TAF3: variants seen among roughly 807,000 people sequenced by gnomAD.
TAF3 encodes transcription initiation factor TFIID subunit 3.
TAF3 carries 7 observed loss-of-function variants against 80.6 expected under a neutral mutation model. That is an observed-to-expected ratio of 0.09 (90% CI 0.05 to 0.16). The LOEUF is 0.16. TAF3 is among the 10% of genes least tolerant of loss of function. The pLI, the probability that TAF3 is intolerant of heterozygous loss-of-function variation, is 1.00. For synonymous variants in TAF3, 444 were observed against 446.1 expected (o/e 1.00, Z 0.06); for missense variants, 921 against 1,140.2 (o/e 0.81, Z 2.77).
chr10:7,835,459 AC>A, intron 2 of TAF3, among the ~76,000 whole-genome samples: 1 of 152,096 alleles, frequency 6.6e-6, no homozygotes, highest in East Asian at 1.9e-4. Context: ...GTTTTCCTCC[AC>A]CACTTTTACC....
At chr10:7,855,435 G>A (rs1447216314) in intron 2 of TAF3, among the ~76,000 whole-genome samples, 1 of 152,190 alleles carries the variant, frequency 6.6e-6, no homozygotes, top group Non-Finnish European at 1.5e-5. Context: ...TGAATACACC[G>A]GATGCCGAGA....
At chr10:7,822,154 A>G (rs1439635483) in intron 1 of TAF3, among the ~76,000 whole-genome samples, 1 of 152,084 alleles carries the variant, frequency 6.6e-6, no homozygotes, top group African/African-American at 2.4e-5. Flanking sequence ...AGTGATGTGC[A>G]TAAGAGATTG....
intron 2 of TAF3, among the ~76,000 whole-genome samples, chr10:7,936,729 T>G (rs1837924218): frequency 6.6e-6 from 1 of 152,176 alleles, no homozygotes; most frequent in Non-Finnish European, 1.5e-5. Context: ...GCTCTTGGTG[T>G]TGTACATTCC....
intron 2 of TAF3, among the ~76,000 whole-genome samples, chr10:7,901,203 T>C (rs2131171355): frequency 6.6e-6 from 1 of 152,360 alleles, no homozygotes; most frequent in Non-Finnish European, 1.5e-5. Flanking sequence ...AAAACTATAA[T>C]GCATATCCTT....
At position 7,964,489 on chromosome 10, in the gene TAF3, A is replaced by G. The variant is rs1345284252; in HGVS notation, c.979A>G (p.Thr327Ala). The change falls in exon 3 of 7, where the codon ACG (threonine) becomes GCG (alanine). Residue 327 changes from threonine (T) to alanine (A), a missense_variant. Physicochemically the swap from Thr to Ala is moderately conservative, Grantham distance 58. Coordinates refer to ENST00000344293, the MANE Select transcript of TAF3 (RefSeq NM_031923.4). This position sits in a 1 kb window ranked among gnomAD's most constrained non-coding sequence, Gnocchi z 4.1. ...SPKSPKSPKV[T>A]THIPQTPVRP... ...CAAGAGTCCCAAGAGCCCCAAGGTC[A>G]CGACTCACATTCCCCAAACACCTGT... 3.1e-6 allele frequency: 5 copies of G among 1,613,474 alleles called. No homozygotes were observed. The highest frequency in any genetic ancestry group is 4.2e-6 in the Non-Finnish European group (5 of 1,179,792).
At chr10:7,926,432 T>C (rs1564364843) in intron 2 of TAF3, among the ~76,000 whole-genome samples, 1 of 152,194 alleles carries the variant, frequency 6.6e-6, no homozygotes, top group Non-Finnish European at 1.5e-5. Context: ...AGTATCTGAT[T>C]AGGAAAAAGT....
chr10:8,010,168 A>G (rs146260567), intron 5 of TAF3, among the ~76,000 whole-genome samples: 128 of 152,192 alleles, frequency 8.4e-4, no homozygotes, highest in African/African-American at 2.8e-3. Flanking sequence ...CTGCCTCCCA[A>G]CGTGCTGAGA....
chr10:7,840,739 T>C (rs780102460), intron 2 of TAF3, among the ~76,000 whole-genome samples: 3 of 152,218 alleles, frequency 2.0e-5, no homozygotes, highest in Non-Finnish European at 2.9e-5. Context: ...TACTTTGTCT[T>C]GCTTTCTTGA....
intron 2 of TAF3, among the ~76,000 whole-genome samples, chr10:7,937,507 A>G (rs751298885): frequency 6.6e-6 from 1 of 152,166 alleles, no homozygotes; most frequent in Non-Finnish European, 1.5e-5. Flanking sequence ...GTGTCTGTTC[A>G]GGTCTTTTGC....
At chr10:7,834,032 A>G (rs1836826923) in intron 2 of TAF3, 1 of 190,230 alleles carries the variant, frequency 5.3e-6, no homozygotes, top group African/African-American at 2.4e-5. Flanking sequence ...TTCCTTATAT[A>G]TTTTGCCTTT....
At chr10:7,873,661 C>A (rs1837289272) in intron 2 of TAF3, among the ~76,000 whole-genome samples, 2 of 122,674 alleles carry the variant, frequency 1.6e-5, no homozygotes. Flanking sequence ...TGAGGGGAGT[C>A]CCCCACTCCC....
chr10:7,831,397 G>A (rs888942005), intron 2 of TAF3, among the ~76,000 whole-genome samples: 1 of 151,984 alleles, frequency 6.6e-6, no homozygotes, highest in Non-Finnish European at 1.5e-5. Context: ...CGAGGCTGGA[G>A]TGCAGTGGCT....
At chr10:8,013,581 G>A (rs943497251) in intron 5 of TAF3, 150 bp from the exon 6 acceptor site, 2 of 578,302 alleles carry the variant, frequency 3.5e-6, no homozygotes, top group Non-Finnish European at 6.1e-6. Context: ...CGCTGATCAT[G>A]GCATTAATGA....
intron 3 of TAF3, among the ~76,000 whole-genome samples, chr10:7,973,911 C>T (rs780555849): frequency 5.9e-5 from 9 of 152,078 alleles, no homozygotes; most frequent in South Asian, 2.1e-4. Context: ...AGGCAGATCA[C>T]GAGATCAGGA....
chr10:7,907,975 A>G (rs1297622035), intron 2 of TAF3, among the ~76,000 whole-genome samples: 1 of 152,220 alleles, frequency 6.6e-6, no homozygotes, highest in African/African-American at 2.4e-5. Flanking sequence ...GAAGAGGCTC[A>G]GTTCAGGAGA....
chr10:7,874,185 G>A (rs1246426568), intron 2 of TAF3, among the ~76,000 whole-genome samples: 6 of 151,894 alleles, frequency 4.0e-5, no homozygotes, highest in Non-Finnish European at 8.8e-5. Flanking sequence ...TTAATTTTGC[G>A]GACATTTCAA....
chr10:7,846,802 T>A (rs1836977383), intron 2 of TAF3, among the ~76,000 whole-genome samples: 1 of 152,164 alleles, frequency 6.6e-6, no homozygotes, highest in Non-Finnish European at 1.5e-5. Context: ...TCATTACTCA[T>A]CAGTTATTTC....
intron 2 of TAF3, among the ~76,000 whole-genome samples, chr10:7,909,212 G>C: frequency 6.6e-6 from 1 of 152,228 alleles, no homozygotes; most frequent in East Asian, 1.9e-4. Context: ...CCCATTCTAG[G>C]CTTACTGGAT....
intron 2 of TAF3, among the ~76,000 whole-genome samples, chr10:7,897,453 G>A (rs1837515309): frequency 6.6e-6 from 1 of 152,036 alleles, no homozygotes; most frequent in Non-Finnish European, 1.5e-5. Context: ...TTTCTCTCTA[G>A]CAAATTTAGA....
Sources: gnomAD v4.1 joint callset for allele counts (sites outside exome capture counted in the v4.1 genomes callset) on GRCh38, gnomAD v4.1.1 for gene constraint, Gnocchi (gnomAD v3.1) non-coding constraint, MANE v1.5 for transcripts, NCBI Gene and HGNC (gene_info 2026-07-23, HGNC 2026-07-21) for gene names.